Variants in AVL9 observed in about 807,000 individuals in gnomAD.
AVL9 encodes the protein AVL9 cell migration associated, also known as late secretory pathway protein AVL9 homolog.
A neutral mutation model predicts 79.2 loss-of-function variants in AVL9; 49 were observed. The observed-to-expected ratio is 0.62, with a 90% CI of 0.49 to 0.79. The LOEUF is 0.79. AVL9 is among the 30% of genes least tolerant of loss of function. The probability of loss-of-function intolerance (pLI) is 0.00; values close to 1 mark genes in which losing one functional copy is unlikely to be tolerated. For synonymous variants in AVL9, 299 were observed against 280.6 expected (o/e 1.07, Z -0.65); for missense variants, 682 against 776.8 (o/e 0.88, Z 1.45).
rs2128141597 is a variant in AVL9, at chr7:32,558,591, G to A, written c.642G>A (p.Leu214=). 1.9e-6 allele frequency: 3 copies of A among 1,612,326 alleles called. No homozygotes were observed. Among genetic ancestry groups the A allele is most frequent in the Non-Finnish European group, 2.5e-6 (3 of 1,179,418 alleles). The change falls in exon 9 of 16, where the codon TTG becomes TTA. Residue 214 remains leucine (L), a synonymous_variant. Coordinates refer to ENST00000318709, the MANE Select transcript of AVL9 (RefSeq NM_015060.3). ...VLFYISPVNK[L]VGALMTVLSL... is the part of the protein sequence containing the mutation. ...TTTATATTTCTCCAGTGAATAAATT[G>A]GTGGGTGCACTGATGACTGTGTTAT... is the stretch of plus-strand genomic sequence containing the variant.
At chr7:32,523,675 C>G (rs941274096) in intron 1 of AVL9, among the ~76,000 whole-genome samples, 1 of 150,394 alleles carries the variant, frequency 6.6e-6, no homozygotes, top group African/African-American at 2.4e-5. Flanking sequence ...GCCACCACAC[C>G]TGCCTAAGTA....
chr7:32,553,659 G>A (rs6961786), intron 6 of AVL9, 68 bp from the exon 7 acceptor site: 748,782 of 1,141,698 alleles, frequency 0.66, 248,104 homozygotes, highest in Admixed American at 0.75. Context: ...TGTTAAGGGG[G>A]AAATAACCTT....
chr7:32,520,804 AATAC>A (rs766902701), intron 1 of AVL9, among the ~76,000 whole-genome samples: 1 of 152,080 alleles, frequency 6.6e-6, no homozygotes, highest in Non-Finnish European at 1.5e-5. Flanking sequence ...GATGGTTAAT[AATAC>A]ATAGGGGTAA....
intron 13 of AVL9, among the ~76,000 whole-genome samples, chr7:32,579,536 T>TA (rs1791357740): frequency 4.7e-4 from 2 of 4,264 alleles, no homozygotes; most frequent in Non-Finnish European, 7.6e-4. Context: ...ATATATTATA[T>TA]TATATATTAT....
intron 1 of AVL9, among the ~76,000 whole-genome samples, chr7:32,508,996 G>C (rs1199914703): frequency 1.3e-5 from 2 of 152,156 alleles, no homozygotes; most frequent in Non-Finnish European, 2.9e-5. Flanking sequence ...ATATCTTTTG[G>C]AGTTTTGATT....
At chr7:32,580,700 TAC>T in intron 14 of AVL9, 100 bp from the exon 15 acceptor site, 1 of 718,900 alleles carries the variant, frequency 1.4e-6, no homozygotes, top group Non-Finnish European at 2.4e-6. Flanking sequence ...TTTGGATGGT[TAC>T]AGAGTGACTA....
chr7:32,524,697 G>C lies in AVL9; in HGVS notation c.94-18444G>C, dbSNP rs190415550. Among the ~76,000 whole-genome samples, 222 of 152,148 alleles carry C rather than the reference G, an allele frequency of 1.5e-3. 3 individuals carry two copies. Among genetic ancestry groups the C allele is most frequent in the African/African-American group, 4.9e-3 (204 of 41,554 alleles). The stretch of plus-strand genomic sequence containing the variant: ...AATGGGAACTAGTAAGATTGCCTGA[G>C]CCCACAAAATATGGGTTAGAAGCTG... On this transcript the variant is annotated intron_variant, in intron 1 of 15. Coordinates refer to ENST00000318709, the MANE Select transcript of AVL9 (RefSeq NM_015060.3).
At chr7:32,522,935 C>T (rs1402647833) in intron 1 of AVL9, among the ~76,000 whole-genome samples, 2 of 151,994 alleles carry the variant, frequency 1.3e-5, no homozygotes, top group African/African-American at 4.8e-5. Flanking sequence ...CTCATTTTCT[C>T]TTGCCACCGC....
At chr7:32,503,858 T>A (rs544225258) in intron 1 of AVL9, among the ~76,000 whole-genome samples, 2 of 152,158 alleles carry the variant, frequency 1.3e-5, no homozygotes, top group Admixed American at 6.5e-5. Context: ...ATGTTTTGTA[T>A]TTTTAGTAGA....
intron 10 of AVL9, among the ~76,000 whole-genome samples, chr7:32,567,072 A>C (rs1241765579): frequency 1.3e-5 from 2 of 152,154 alleles, no homozygotes; most frequent in Non-Finnish European, 2.9e-5. Flanking sequence ...GACTTAATTT[A>C]TAATTCTCTT....
chr7:32,499,571 GA>G (rs2128109974), intron 1 of AVL9, among the ~76,000 whole-genome samples: 1 of 92,186 alleles, frequency 1.1e-5, no homozygotes, highest in African/African-American at 4.3e-5. Context: ...AAAAAAGGCA[GA>G]ATAACAATTT....
intron 1 of AVL9, chr7:32,537,363 G>A (rs1354858818): frequency 6.6e-6 from 1 of 150,700 alleles, no homozygotes; most frequent in Non-Finnish European, 1.5e-5. Context: ...ATTCTGAAAA[G>A]TTTGCAGTAG....
chr7:32,559,355 C>T lies in AVL9; in HGVS notation c.1106C>T (p.Pro369Leu). ...GACTCTGTCCCCTCAGAGAGTCTTC[C>T]AATTACTGTACAACCTCAAGCTAAT... is the stretch of plus-strand genomic sequence containing the variant. ...PKDSVPSESL[P>L]ITVQPQANTG... is the part of the protein sequence containing the mutation. Residue 369 changes from proline (P) to leucine (L), a missense_variant, in exon 10 of 16, where the codon CCA becomes CTA. Physicochemically the swap from Pro to Leu is moderately conservative, Grantham distance 98. Coordinates refer to ENST00000318709, the MANE Select transcript of AVL9 (RefSeq NM_015060.3). 1 of 1,614,066 alleles carries T rather than the reference C, an allele frequency of 6.2e-7. No individual in the cohort carries two copies. The highest frequency in any genetic ancestry group is 8.5e-7 in the Non-Finnish European group (1 of 1,180,016).
At chr7:32,502,548 T>C (rs1262546897) in intron 1 of AVL9, among the ~76,000 whole-genome samples, 1 of 152,224 alleles carries the variant, frequency 6.6e-6, no homozygotes, top group Non-Finnish European at 1.5e-5. Flanking sequence ...AGAAATACTT[T>C]TATTTAACTG....
intron 1 of AVL9, among the ~76,000 whole-genome samples, chr7:32,513,122 C>T (rs1389858826): frequency 6.6e-6 from 1 of 152,010 alleles, no homozygotes; most frequent in Admixed American, 6.5e-5. Context: ...GAGCTGGACT[C>T]CTGTCTCCTT....
chr7:32,570,370 T>A lies in AVL9; in HGVS notation c.1350+216T>A, dbSNP rs74424964. Among the ~76,000 whole-genome samples, 1,117 of 152,302 alleles carry A rather than the reference T, an allele frequency of 7.3e-3. 10 individuals carry two copies. The highest frequency in any genetic ancestry group is 0.025 in the African/African-American group (1,049 of 41,580). On this transcript the variant is annotated intron_variant, in intron 11 of 15. Coordinates refer to ENST00000318709, the MANE Select transcript of AVL9 (RefSeq NM_015060.3). ...ATCCACATTTTATACCTGCAGAGGC[T>A]AAGTAACAGAGAGATGAAGTGATTT...
rs1791815779 is a variant in AVL9 at position 32,586,846 on chromosome 7, G to GTT, written c.*2940_*2941insTT. 1 of 152,194 alleles carries GTT rather than the reference G, an allele frequency of 6.6e-6. No individual in the cohort carries two copies. Among genetic ancestry groups the GTT allele is most frequent in the African/African-American group, 2.4e-5 (1 of 41,420 alleles). 9.4% of individuals were successfully genotyped at this position (152,194 alleles called of 1,614,324 possible). Reference sequence around the variant, plus strand: ...AGACATTGTAATGACAATGGTGTAGGTAAGGAAGAGAGAGTTAAAACTACC... The same window carrying GTT: ...AGACATTGTAATGACAATGGTGTAGGTTTAAGGAAGAGAGAGTTAAAACTACC... On this transcript the variant is annotated 3_prime_UTR_variant, in exon 16 of 16. Transcript: ENST00000318709.
At chr7:32,572,117 G>A (rs1360623764) in intron 11 of AVL9, among the ~76,000 whole-genome samples, 2 of 150,354 alleles carry the variant, frequency 1.3e-5, no homozygotes, top group African/African-American at 2.5e-5. Context: ...AGCCGAGATC[G>A]TGCCACTGCA....
At chr7:32,524,903 A>T (rs1300507229) in intron 1 of AVL9, among the ~76,000 whole-genome samples, 1 of 152,220 alleles carries the variant, frequency 6.6e-6, no homozygotes, top group Admixed American at 6.5e-5. Context: ...GCTAATGGAA[A>T]TAATGGTGCC....
Sources: allele counts gnomAD v4.1 joint callset (sites outside exome capture counted in the v4.1 genomes callset), GRCh38; gene constraint gnomAD v4.1.1; transcripts MANE v1.5; gene names NCBI Gene and HGNC (gene_info 2026-07-23, HGNC 2026-07-21).